The following PCDHGA4 variants were observed in gnomAD, a reference collection of about 807,000 sequenced individuals.
PCDHGA4 encodes protocadherin gamma subfamily A, 4, also known as protocadherin gamma-A4.
A neutral mutation model predicts 54.6 loss-of-function variants in PCDHGA4; 38 were observed. The ratio of observed to expected loss-of-function variants is 0.70; its 90% CI spans 0.54 to 0.91. The LOEUF is 0.91. Among genes scored for constraint, PCDHGA4 ranks in the 40% least tolerant of loss-of-function variants. The probability of loss-of-function intolerance (pLI) is 0.00; values close to 1 mark genes in which losing one functional copy is unlikely to be tolerated. For synonymous variants in PCDHGA4, 511 were observed against 512.9 expected, an observed-to-expected ratio of 1.00 and a Z score of 0.05; for missense variants, 1,298 against 1,220.9, an observed-to-expected ratio of 1.06 and a Z score of -0.94.
chr5:141,403,927 G>A, intron 1 of PCDHGA4: 3 of 1,613,852 alleles, frequency 1.9e-6, no homozygotes, highest in East Asian at 2.2e-5. Context: ...AAGATGGTGG[G>A]GGATTGAAAG....
intron 1 of PCDHGA4, chr5:141,365,990 G>T: frequency 6.2e-7 from 1 of 1,614,216 alleles, no homozygotes; most frequent in Non-Finnish European, 8.5e-7. Flanking sequence ...GTTTGTGCTG[G>T]ACCAGAACGA....
chr5:141,422,370 T>G (rs2096643676), intron 1 of PCDHGA4: 1 of 1,566,604 alleles, frequency 6.4e-7, no homozygotes, highest in African/African-American at 1.4e-5. Flanking sequence ...GAGAAAATGG[T>G]CAAGTCTCCT....
chr5:141,433,358 C>CGTAT, intron 1 of PCDHGA4: 1 of 503,368 alleles, frequency 2.0e-6, no homozygotes, highest in Non-Finnish European at 3.5e-6. Context: ...CTACTGTCTG[C>CGTAT]CTATCTATCT....
chr5:141,384,928 A>G (rs1780667479), intron 1 of PCDHGA4: 3 of 1,614,014 alleles, frequency 1.9e-6, no homozygotes, highest in Non-Finnish European at 2.5e-6. Context: ...CGACCTGGGC[A>G]GCCTTGAGCC....
At chr5:141,417,851 G>A (rs1196210157) in intron 1 of PCDHGA4, 1 of 1,543,512 alleles carries the variant, frequency 6.5e-7, no homozygotes, top group Non-Finnish European at 8.8e-7. Flanking sequence ...GCGAGAACCC[G>A]AGCGAACGAT....
chr5:141,371,611 C>G (rs561217101), intron 1 of PCDHGA4: 1 of 1,613,996 alleles, frequency 6.2e-7, no homozygotes, highest in Non-Finnish European at 8.5e-7. Context: ...AGGTTGGTGA[C>G]AGATGGAGCC....
At chr5:141,362,084 G>A (rs373978037) in intron 1 of PCDHGA4, 2 of 1,613,192 alleles carry the variant, frequency 1.2e-6, no homozygotes, top group Non-Finnish European at 1.7e-6. Flanking sequence ...CGTGATGGAG[G>A]ACAGCCGCCA....
Position 141,491,889 on chromosome 5 carries a change from C to T in PCDHGA4, c.2515-2918C>T, listed in dbSNP as rs2099734763. On this transcript the variant is annotated intron_variant, in intron 1 of 3. Transcript: ENST00000571252. The surrounding 1 kb of genome is among the most constrained non-coding windows in gnomAD (Gnocchi z 6.9). ...GAGTGGCCGATTAAGGGATGGGGCT[C>T]CGAGCACCGGGGGTGGTGGCGACTG... 11 of 1,441,360 alleles carry T rather than the reference C, an allele frequency of 7.6e-6. No individual in the cohort carries two copies. Among genetic ancestry groups the T allele is most frequent in the Non-Finnish European group, 1.0e-5 (11 of 1,090,600 alleles). 89.3% of individuals were successfully genotyped at this position (1,441,360 alleles called of 1,614,324 possible).
chr5:141,397,841 C>A (rs996938995), intron 1 of PCDHGA4: 31 of 520,424 alleles, frequency 6.0e-5, no homozygotes, highest in Middle Eastern at 4.9e-4. Context: ...AACTTGAAGC[C>A]GCAGAGGCTG....
intron 3 of PCDHGA4, among the ~76,000 whole-genome samples, chr5:141,506,781 T>C (rs965408564): frequency 1.4e-4 from 22 of 152,168 alleles, no homozygotes; most frequent in African/African-American, 5.3e-4. Context: ...CCTGGGCTTA[T>C]AAGGAGGCTG....
intron 1 of PCDHGA4, chr5:141,375,635 C>A (rs776372663): frequency 2.4e-5 from 38 of 1,614,094 alleles, no homozygotes; most frequent in Non-Finnish European, 3.1e-5. Flanking sequence ...GTACGCCCTG[C>A]GCTCCTTCGA....
At position 141,355,546 on chromosome 5, in the gene PCDHGA4, A is replaced by T; in HGVS notation, c.439A>T (p.Ile147Phe). 6.2e-7 allele frequency: 1 copy of T among 1,613,986 alleles called. No homozygotes were observed. The highest frequency in any genetic ancestry group is 1.1e-5 in the South Asian group (1 of 91,080). Reference sequence around the variant, plus strand: ...GATTCTTCTAGAAGATACAGTGAAGATTTTGCGGGTAGAGGTGGAAATAAT... The same window carrying T: ...GATTCTTCTAGAAGATACAGTGAAGTTTTTGCGGGTAGAGGTGGAAATAAT... ...LEILLEDTVK[I>F]LRVEVEIIDV... The change falls in exon 1 of 4, where the codon ATT becomes TTT. Residue 147 changes from isoleucine (I) to phenylalanine (F), a missense_variant. Ile to Phe is a conservative substitution (Grantham distance 21, BLOSUM62 0). Coordinates refer to ENST00000571252, the MANE Select transcript of PCDHGA4 (RefSeq NM_018917.4).
chr5:141,422,338 A>C, intron 1 of PCDHGA4: 1 of 1,550,090 alleles, frequency 6.5e-7, no homozygotes, highest in Non-Finnish European at 8.7e-7. Flanking sequence ...TGCTCTTCTA[A>C]ATGTGCAAGA....
rs768990626 is a variant in PCDHGA4, at chr5:141,427,590, C to T, written c.2515-67217C>T. On this transcript the variant is annotated intron_variant, in intron 1 of 3. Coordinates refer to ENST00000571252, the MANE Select transcript of PCDHGA4 (RefSeq NM_018917.4). ...GCCTCCGCTCTCATCCAGCACAAGCCTCACCCTACGCATTGGTGAAGTCAA... is the reference window on the plus strand; with the variant it reads ...GCCTCCGCTCTCATCCAGCACAAGCTTCACCCTACGCATTGGTGAAGTCAA... 44 of 678,892 alleles carry T rather than the reference C, an allele frequency of 6.5e-5. No individual in the cohort carries two copies. In the Admixed American group the frequency reaches 8.5e-4, roughly 13 times the overall value. The allele number at this position is 678,892 out of a possible 1,614,324, so 42.1% of individuals were successfully genotyped here.
At position 141,476,716 on chromosome 5, in the gene PCDHGA4, C is replaced by G; in HGVS notation, c.2515-18091C>G. The G allele has an allele frequency of 6.2e-7, 1 of 1,614,148 alleles. No individual in the cohort carries two copies. On this transcript the variant is annotated intron_variant, in intron 1 of 3. Transcript: ENST00000571252. The surrounding 1 kb of genome is among the most constrained non-coding windows in gnomAD (Gnocchi z 7.6). The stretch of plus-strand genomic sequence containing the variant: ...AGTACGCGGAGCTGGTGTTGGAGCG[C>G]GCCCTGGACCGAGAACGGGAGCCTA...
chr5:141,404,909 CCT>C (rs1243432357), intron 1 of PCDHGA4: 1 of 1,613,798 alleles, frequency 6.2e-7, no homozygotes, highest in Admixed American at 1.7e-5. Flanking sequence ...TGGCCAGCCC[CCT>C]CTCTCGGCCA....
At chr5:141,399,504 A>G (rs754910149) in intron 1 of PCDHGA4, 3 of 1,614,000 alleles carry the variant, frequency 1.9e-6, no homozygotes, top group Non-Finnish European at 2.5e-6. Context: ...GTGTACCCGA[A>G]AACAACCCTC....
At chr5:141,388,580 G>T (rs376569160) in intron 1 of PCDHGA4, 1 of 1,613,868 alleles carries the variant, frequency 6.2e-7, no homozygotes, top group Admixed American at 1.7e-5. Flanking sequence ...ACGTTCTAGT[G>T]ACTGATGCCA....
chr5:141,368,344 T>C (rs1052881289), intron 1 of PCDHGA4, among the ~76,000 whole-genome samples: 5 of 152,060 alleles, frequency 3.3e-5, no homozygotes, highest in African/African-American at 7.2e-5. Context: ...TATATACATA[T>C]ACACACACAT....
Sources: allele counts gnomAD v4.1 joint callset (sites outside exome capture counted in the v4.1 genomes callset), GRCh38; gene constraint gnomAD v4.1.1; non-coding constraint Gnocchi (gnomAD v3.1); transcripts MANE v1.5; gene names NCBI Gene and HGNC (gene_info 2026-07-23, HGNC 2026-07-21).